The following CDH13 variants were observed in gnomAD, a reference collection of about 807,000 sequenced individuals.
CDH13 encodes the protein cadherin 13.
A neutral mutation model predicts 63.8 loss-of-function variants in CDH13; 24 were observed. The observed-to-expected ratio is 0.38, with a 90% confidence interval of 0.27 to 0.53. The LOEUF (loss-of-function observed/expected upper bound fraction) is 0.53, where lower values mean the gene tolerates loss of function less well. Ranked by LOEUF, CDH13 falls within the 20% of genes least tolerant of loss-of-function variation. The probability of loss-of-function intolerance (pLI) is 0.85; values close to 1 mark genes in which losing one functional copy is unlikely to be tolerated. For synonymous variants in CDH13, 503 were observed against 355.3 expected, an observed-to-expected ratio of 1.42 and a Z score of -4.67; for missense variants, 1,049 against 903.1, an observed-to-expected ratio of 1.16 and a Z score of -2.07.
chr16:82,867,561 C>A (rs115332177), intron 2 of CDH13, among the ~76,000 whole-genome samples: 41 of 152,222 alleles, frequency 2.7e-4, no homozygotes, highest in Admixed American at 1.2e-3. Context: ...TGACACTGAC[C>A]TTGGTTAGCA....
At chr16:83,793,941 C>G (rs1916436819) in intron 13 of CDH13, among the ~76,000 whole-genome samples, 1 of 151,900 alleles carries the variant, frequency 6.6e-6, no homozygotes, top group Non-Finnish European at 1.5e-5. Flanking sequence ...AAGGAAGAGT[C>G]GATTAGAAAC....
At chr16:83,117,793 C>T (rs2035378494) in intron 3 of CDH13, among the ~76,000 whole-genome samples, 1 of 152,146 alleles carries the variant, frequency 6.6e-6, no homozygotes. Flanking sequence ...TCAACCCCTC[C>T]CCTGCCCCTC....
intron 6 of CDH13, among the ~76,000 whole-genome samples, chr16:83,459,234 G>A (rs974309071): frequency 2.6e-5 from 4 of 152,320 alleles, no homozygotes; most frequent in African/African-American, 7.2e-5. Context: ...TTAGCATTGG[G>A]ATGCAGCAAT....
chr16:83,320,195 A>T (rs1376681285), intron 5 of CDH13, among the ~76,000 whole-genome samples: 2 of 149,998 alleles, frequency 1.3e-5, no homozygotes, highest in Non-Finnish European at 1.5e-5. Flanking sequence ...ATGCCCCACT[A>T]TGCCTGGATA....
At chr16:82,802,816 T>A (rs764115322) in intron 1 of CDH13, among the ~76,000 whole-genome samples, 40 of 152,194 alleles carry the variant, frequency 2.6e-4, no homozygotes, top group Admixed American at 5.2e-4. Flanking sequence ...GCACTGTAAG[T>A]TACCAAGGAG....
At chr16:83,238,791 A>G (rs895189449) in intron 5 of CDH13, among the ~76,000 whole-genome samples, 1 of 152,042 alleles carries the variant, frequency 6.6e-6, no homozygotes. Flanking sequence ...TTCTTGTTGA[A>G]TGCCTTCTTT....
At chr16:83,493,435 A>G (rs1341792673) in intron 7 of CDH13, among the ~76,000 whole-genome samples, 1 of 152,216 alleles carries the variant, frequency 6.6e-6, no homozygotes, top group Non-Finnish European at 1.5e-5. Context: ...ATCAGGACGC[A>G]AAGATTGAGC....
At position 82,901,455 on chromosome 16, in the gene CDH13, T is replaced by G. The variant is rs966423517; in HGVS notation, c.157+42982T>G. The stretch of plus-strand genomic sequence containing the variant: ...CATCTAGGAGACCTGACAAAGATGG[T>G]GGGCTGAGATAGCCGTGTAAAGCTA... On this transcript the variant is annotated intron_variant, in intron 2 of 13. Coordinates refer to ENST00000567109, the MANE Select transcript of CDH13 (RefSeq NM_001257.5). 4.0e-5 allele frequency among the ~76,000 whole-genome samples: 6 copies of G among 151,522 alleles called. No homozygotes were observed. The South Asian group carries it at 1.3e-3, about 32-fold the overall frequency.
intron 6 of CDH13, among the ~76,000 whole-genome samples, chr16:83,408,553 C>T (rs2092081369): frequency 6.6e-6 from 1 of 152,016 alleles, no homozygotes; most frequent in Admixed American, 6.5e-5. Context: ...CATAAAAATA[C>T]AGTATAAAAT....
intron 11 of CDH13, among the ~76,000 whole-genome samples, chr16:83,767,380 T>C (rs557641470): frequency 1.3e-5 from 2 of 152,296 alleles, no homozygotes; most frequent in South Asian, 2.1e-4. Flanking sequence ...CTGATAGTTA[T>C]ATAAACGGGA....
chr16:82,870,174 T>G (rs2040294552), intron 2 of CDH13, among the ~76,000 whole-genome samples: 1 of 152,112 alleles, frequency 6.6e-6, no homozygotes, highest in Non-Finnish European at 1.5e-5. Context: ...AATTGACGTT[T>G]CTCAAAGGAA....
intron 7 of CDH13, among the ~76,000 whole-genome samples, chr16:83,596,020 C>T (rs1235903418): frequency 6.6e-6 from 1 of 152,214 alleles, no homozygotes; most frequent in Non-Finnish European, 1.5e-5. Flanking sequence ...CAAAATTCAG[C>T]TCAAAAGCTG....
chr16:82,816,836 A>C (rs1318683014), intron 1 of CDH13, among the ~76,000 whole-genome samples: 4 of 151,644 alleles, frequency 2.6e-5, no homozygotes, highest in South Asian at 4.2e-4. Context: ...ATGACTCATC[A>C]TCTCATCTCT....
chr16:83,116,401 G>A (rs756271074), intron 3 of CDH13, among the ~76,000 whole-genome samples: 27 of 152,170 alleles, frequency 1.8e-4, no homozygotes, highest in Non-Finnish European at 4.0e-4. Context: ...GCAGGGATAC[G>A]GGCAGGGATG....
intron 2 of CDH13, among the ~76,000 whole-genome samples, chr16:82,981,151 C>T (rs573870467): frequency 1.3e-5 from 2 of 152,150 alleles, no homozygotes; most frequent in African/African-American, 4.8e-5. Flanking sequence ...TGAACTTTCA[C>T]TTAGTGATTA....
intron 4 of CDH13, among the ~76,000 whole-genome samples, chr16:83,174,872 C>A (rs1345277284): frequency 6.6e-6 from 1 of 151,946 alleles, no homozygotes; most frequent in African/African-American, 2.4e-5. Context: ...GGAGAACTGC[C>A]AAACACTTTT....
intron 11 of CDH13, among the ~76,000 whole-genome samples, chr16:83,770,744 C>G (rs187827485): frequency 5.3e-5 from 8 of 152,226 alleles, no homozygotes; most frequent in Admixed American, 3.9e-4. Flanking sequence ...GGTGGGAGTG[C>G]AGTAGTGAGG....
At chr16:83,586,918 A>G (rs139475351) in intron 7 of CDH13, among the ~76,000 whole-genome samples, 21 of 152,294 alleles carry the variant, frequency 1.4e-4, no homozygotes, top group Middle Eastern at 3.4e-3. Flanking sequence ...AATTAGTTCA[A>G]TTTATTTTCA....
chr16:83,354,785 G>T (rs182872965), intron 6 of CDH13, among the ~76,000 whole-genome samples: 1 of 152,188 alleles, frequency 6.6e-6, no homozygotes. Flanking sequence ...GGGCAAGATC[G>T]TTCTGAGCAT....
Sources: gnomAD v4.1 joint callset for allele counts (sites outside exome capture counted in the v4.1 genomes callset) on GRCh38, gnomAD v4.1.1 for gene constraint, MANE v1.5 for transcripts, NCBI Gene and HGNC (gene_info 2026-07-23, HGNC 2026-07-21) for gene names.